The following CDC25C variants were observed in gnomAD, a reference collection of about 807,000 sequenced individuals.
CDC25C encodes M-phase inducer phosphatase 3.
Under a neutral mutation model 52.5 loss-of-function variants are expected in CDC25C, and 48 were observed. The observed-to-expected ratio is 0.91, with a 90% CI of 0.72 to 1.16. The LOEUF is 1.16. Among genes scored for constraint, CDC25C ranks in the 50% most tolerant of loss-of-function variants. The pLI is 0.00. For synonymous variants in CDC25C, 187 were observed against 206.5 expected, an observed-to-expected ratio of 0.91 and a Z score of 0.81; for missense variants, 510 against 566.1, an observed-to-expected ratio of 0.90 and a Z score of 1.01.
rs565533819 is a variant in CDC25C at position 138,302,743 on chromosome 5, A to C, written c.616-10627T>G. Among the ~76,000 whole-genome samples, 383 of 149,464 alleles carry C rather than the reference A, an allele frequency of 2.6e-3. 5 individuals are homozygous for C. The highest frequency in any genetic ancestry group is 5.0e-4 in the Non-Finnish European group (34 of 67,414). ...ATCATATTAACAGATTAAAAAAAAA[A>C]CTCACTTGATTATCTCAATAGATAC... On this transcript the variant is annotated intron_variant, in intron 7 of 13. Coordinates refer to ENST00000323760, the MANE Select transcript of CDC25C (RefSeq NM_001790.5).
intron 7 of CDC25C, among the ~76,000 whole-genome samples, chr5:138,305,397 C>G (rs1212225634): frequency 1.3e-5 from 2 of 152,072 alleles, no homozygotes; most frequent in African/African-American, 4.8e-5. Flanking sequence ...TTTGCAATTA[C>G]TAAATTATTA....
At chr5:138,333,218 G>A (rs746173053), upstream of CDC25C, among the ~76,000 whole-genome samples, 2 of 152,194 alleles carry the variant, frequency 1.3e-5, no homozygotes, top group African/African-American at 2.4e-5. Flanking sequence ...AGCTCTTTAA[G>A]ATGTAGGCTC....
chr5:138,299,544 A>G (rs1757486575), intron 7 of CDC25C, among the ~76,000 whole-genome samples: 1 of 151,546 alleles, frequency 6.6e-6, no homozygotes, highest in African/African-American at 2.4e-5. Context: ...TAAATAACAC[A>G]CTTGTTAATA....
chr5:138,337,334 C>T lies in CDC25C; in HGVS notation c.13+622G>A, dbSNP rs530114102. ...TGGGAGGTGGTGGTAGTGGTGGAGA[C>T]TTAATAAAAGGTGGTTTTGTCTTCC... On this transcript the variant is annotated intron_variant, in intron 1 of 5. Transcript: ENST00000510119. Among the ~76,000 whole-genome samples, 10 of 152,278 alleles carry T rather than the reference C, an allele frequency of 6.6e-5. No homozygotes were observed. In the South Asian group the frequency reaches 2.1e-3, roughly 32 times the overall value.
In CDC25C at chr5:138,322,961, T is replaced by A. The variant is rs570811572; in HGVS notation, c.459+2854A>T. ...TATTTTTATTTTTTTTTCCTTTTTT[T>A]TTTGAGACAGTCTCACTTTGTCACC... is the stretch of plus-strand genomic sequence containing the variant. On this transcript the variant is annotated intron_variant, in intron 6 of 13. Coordinates refer to ENST00000323760, the MANE Select transcript of CDC25C (RefSeq NM_001790.5). 2.4e-3 allele frequency among the ~76,000 whole-genome samples: 368 copies of A among 151,866 alleles called. 1 individual carries two copies. The highest frequency in any genetic ancestry group is 4.0e-3 in the Non-Finnish European group (269 of 67,928).
intron 7 of CDC25C, among the ~76,000 whole-genome samples, chr5:138,317,682 TAAAAAAA>T (rs70982706): frequency 1.8e-5 from 1 of 54,262 alleles, no homozygotes; most frequent in Admixed American, 2.8e-4. Flanking sequence ...CCTGTCTATC[TAAAAAAA>T]AAAAAAAAAA....
chr5:138,316,060 G>A (rs1274557682), intron 7 of CDC25C, among the ~76,000 whole-genome samples: 1 of 152,222 alleles, frequency 6.6e-6, no homozygotes. Context: ...AGTTGTGGCT[G>A]CAGATCCGAG....
At chr5:138,298,567 T>C (rs943207256) in intron 7 of CDC25C, among the ~76,000 whole-genome samples, 1 of 151,072 alleles carries the variant, frequency 6.6e-6, no homozygotes, top group African/African-American at 2.4e-5. Flanking sequence ...CTGGCCAACA[T>C]GGTGAAATCC....
At chr5:138,326,134 C>G in intron 4 of CDC25C, 80 bp from the exon 5 acceptor site, 1 of 1,443,876 alleles carries the variant, frequency 6.9e-7, no homozygotes, top group Non-Finnish European at 9.8e-7. Flanking sequence ...TGCATCCCAA[C>G]ATTTTTCTAT....
At chr5:138,336,065 A>G (rs1370410294), upstream of CDC25C, among the ~76,000 whole-genome samples, 1 of 151,448 alleles carries the variant, frequency 6.6e-6, no homozygotes, top group Non-Finnish European at 1.5e-5. Flanking sequence ...ATGAGAATAT[A>G]TATCAAAGTA....
chr5:138,305,815 C>T (rs146238767), intron 7 of CDC25C, among the ~76,000 whole-genome samples: 3 of 152,268 alleles, frequency 2.0e-5, no homozygotes, highest in African/African-American at 4.8e-5. Flanking sequence ...ATGAGGTGGC[C>T]AATGGGAGAC....
intron 7 of CDC25C, among the ~76,000 whole-genome samples, chr5:138,307,845 T>TG (rs1758139948): frequency 6.6e-6 from 1 of 152,194 alleles, no homozygotes; most frequent in Non-Finnish European, 1.5e-5. Context: ...CCCAGCCTTT[T>TG]TGATACTGGG....
upstream of CDC25C, among the ~76,000 whole-genome samples, chr5:138,334,925 G>A (rs1378678929): frequency 3.3e-5 from 5 of 152,220 alleles, no homozygotes; most frequent in African/African-American, 1.2e-4. Flanking sequence ...GGGAAGTTTG[G>A]TGTTTAATCT....
upstream of CDC25C, chr5:138,333,783 T>A (rs923810476): frequency 7.2e-5 from 11 of 152,196 alleles, no homozygotes; most frequent in African/African-American, 2.7e-4. Flanking sequence ...GTCAGCCAAG[T>A]GGCTTTAGTT....
chr5:138,290,258 GC>G (rs1368331503), intron 9 of CDC25C, among the ~76,000 whole-genome samples: 1 of 151,986 alleles, frequency 6.6e-6, no homozygotes, highest in African/African-American at 2.4e-5. Context: ...TGTACCTTCT[GC>G]AATTACACAG....
intron 10 of CDC25C, among the ~76,000 whole-genome samples, chr5:138,289,141 A>G (rs1756503471): frequency 6.6e-6 from 1 of 151,778 alleles, no homozygotes; most frequent in East Asian, 1.9e-4. Flanking sequence ...ATTTTTTTGT[A>G]TTTTTATTAG....
chr5:138,295,661 T>C (rs1757125639), intron 7 of CDC25C, among the ~76,000 whole-genome samples: 1 of 151,938 alleles, frequency 6.6e-6, no homozygotes, highest in Non-Finnish European at 1.5e-5. Context: ...TTCTTTCCTA[T>C]ACACTTACAT....
rs759793391 is a variant in CDC25C at position 138,338,321 on chromosome 5, G to A, written c.-353C>T. 21 of 494,238 alleles carry A rather than the reference G, an allele frequency of 4.2e-5. No homozygotes were observed. In the East Asian group the frequency reaches 1.5e-3, roughly 36 times the overall value. 30.6% of individuals were successfully genotyped at this position (494,238 alleles called of 1,614,324 possible). A position where few individuals can be genotyped will look rare whatever the true frequency, so the allele number is the denominator to read the frequency against. On this transcript the variant is annotated 5_prime_UTR_variant, in exon 1 of 6. Transcript: ENST00000510119. ...GGAGGAACCGCGGTAGGTGGTGGAG[G>A]GCAGGTGGCGCTGGGGCCTCGGGGC...
At chr5:138,288,555 G>T (rs577469113) in intron 10 of CDC25C, among the ~76,000 whole-genome samples, 5 of 152,124 alleles carry the variant, frequency 3.3e-5, no homozygotes, top group Non-Finnish European at 7.4e-5. Context: ...AAATTAGTCG[G>T]TGTGATGGCT....
Sources: gnomAD v4.1 joint callset for allele counts (sites outside exome capture counted in the v4.1 genomes callset) on GRCh38, gnomAD v4.1.1 for gene constraint, MANE v1.5 for transcripts, NCBI Gene and HGNC (gene_info 2026-07-23, HGNC 2026-07-21) for gene names.